Variants in KLHL17 observed in about 807,000 individuals in gnomAD.
The protein encoded by KLHL17 is kelch like family member 17.
In KLHL17, 71 loss-of-function variants were observed where a neutral mutation model predicts 64.6. The observed-to-expected ratio is 1.10, with a 90% CI of 0.91 to 1.34. The LOEUF is 1.34. Ranked by LOEUF, KLHL17 falls within the 40% of genes most tolerant of loss-of-function variation. The pLI, the probability that KLHL17 is intolerant of heterozygous loss-of-function variation, is 0.00. For missense variants in KLHL17, 1,140 were observed against 935.0 expected (o/e 1.22, Z -2.86); for synonymous variants, 612 against 405.4 (o/e 1.51, Z -6.12).
rs201014919 is a variant in KLHL17 at position 961,607 on chromosome 1, G to A, written c.368-22G>A. 20 of 1,612,752 alleles carry A rather than the reference G, an allele frequency of 1.2e-5. 1 individual carries two copies. The highest frequency in any genetic ancestry group is 1.7e-4 in the Middle Eastern group (1 of 6,060). On this transcript the variant is annotated intron_variant, in intron 2 of 11. Transcript: ENST00000338591. ...CTCCGTGGGTCCCTCGGGTCAGCTC[G>A]TGTAACCCGCTGTCCCCGCAGATGA... is the stretch of plus-strand genomic sequence containing the variant.
chr1:963,199 G>A lies in KLHL17; in HGVS notation c.1133G>A (p.Arg378His), dbSNP rs372872551. The A allele has an allele frequency of 1.6e-5, 25 of 1,608,112 alleles. No homozygotes were observed. Among genetic ancestry groups the A allele is most frequent in the Middle Eastern group, 1.6e-4 (1 of 6,072 alleles). Reference protein sequence around the residue: ...RWHVVASMSTRRARVGVAAVG... With the variant: ...RWHVVASMSTHRARVGVAAVG... ...CACGTGGTGGCCTCCATGTCCACGC[G>A]CCGGGCCCGGGTGGGAGTGGCTGCG... Residue 378 changes from arginine to histidine, a missense_variant, in exon 7 of 12, where the codon CGC (arginine) becomes CAC (histidine). Coordinates refer to ENST00000338591, the MANE Select transcript of KLHL17 (RefSeq NM_198317.3).
At position 964,927 on chromosome 1, in the gene KLHL17, TCCTGCAGCCAGGGGCTCACCCCGCCTTCC is replaced by T. The variant is rs773733647; in HGVS notation, c.1701-33_1701-5del. On this transcript the variant is annotated splice_polypyrimidine_tract_variant and splice_region_variant and intron_variant, in intron 11 of 11. Coordinates refer to ENST00000338591, the MANE Select transcript of KLHL17 (RefSeq NM_198317.3). ...GTGCAGCCCCTCCCCCCGCATCCCT[TCCTGCAGCCAGGGGCTCACCCCGCCTTCC>T]CCCCAGGAGCACGCATGACCTGGTG... 6.7e-7 allele frequency: 1 copy of T among 1,488,794 alleles called. No individual in the cohort carries two copies. Among genetic ancestry groups the T allele is most frequent in the Non-Finnish European group, 9.2e-7 (1 of 1,087,510 alleles). The allele number at this position is 1,488,794 out of a possible 1,614,324, so 92.2% of individuals were successfully genotyped here. A position where few individuals can be genotyped will look rare whatever the true frequency, so the allele number is the denominator to read the frequency against.
chr1:963,048 C>T (rs1642731969), intron 6 of KLHL17, 61 bp from the exon 7 acceptor site: 1 of 1,587,484 alleles, frequency 6.3e-7, no homozygotes, highest in Non-Finnish European at 8.6e-7. Context: ...CTCCAGGAGC[C>T]TGGGGTGTGG....
rs1642596781 is a variant in KLHL17 at position 960,692 on chromosome 1, GA to G, written c.1del. On this transcript the variant is annotated 5_prime_UTR_variant, in exon 1 of 12. Transcript: ENST00000338591. ...CGAATCGGCGGTGGGTCCGGCAGCC[GA>G]ATGCAGCCCCGCAGCGAGCGCCCGG... 8.0e-6 allele frequency: 11 copies of G among 1,374,704 alleles called. No homozygotes were observed. Among genetic ancestry groups the G allele is most frequent in the Non-Finnish European group, 1.0e-5 (11 of 1,057,830 alleles). 85.2% of individuals were successfully genotyped at this position (1,374,704 alleles called of 1,614,324 possible). A position where few individuals can be genotyped will look rare whatever the true frequency, so the allele number is the denominator to read the frequency against.
Position 961,419 on chromosome 1 carries a change from C to A in KLHL17, c.234C>A (p.Ala78=), listed in dbSNP as rs762448686. The A allele has an allele frequency of 1.2e-6, 2 of 1,611,720 alleles. No individual in the cohort carries two copies. The highest frequency in any genetic ancestry group is 1.7e-6 in the Non-Finnish European group (2 of 1,179,642). Residue 78 remains alanine, a synonymous_variant, in exon 2 of 12, where the codon GCC becomes GCA. Transcript: ENST00000338591. ...ACTCCAAGCGGCACTACCACGATGC[C>A]TTCGTGGCCATGAGCCGCATGCGCC... ...AHNSKRHYHD[A]FVAMSRMRQR...
chr1:963,986 C>A lies in KLHL17; in HGVS notation c.1422C>A (p.Arg474=). The A allele has an allele frequency of 6.2e-7, 1 of 1,612,670 alleles. No individual in the cohort carries two copies. Among genetic ancestry groups the A allele is most frequent in the South Asian group, 1.1e-5 (1 of 91,078 alleles). Residue 474 remains arginine (R), a synonymous_variant, in exon 9 of 12, where the codon CGC becomes CGA. Coordinates refer to ENST00000338591, the MANE Select transcript of KLHL17 (RefSeq NM_198317.3). ...TSVAAMSTRR[R]YVRVATLDGN... ...TCGCTGCCATGAGCACCCGGAGGCG[C>A]TATGTGCGAGTGGCCACGCTTGGTG...
chr1:964,229 C>T (rs1293781000), intron 10 of KLHL17, 49 bp downstream of exon 10: 2 of 1,601,744 alleles, frequency 1.2e-6, no homozygotes, highest in East Asian at 2.2e-5. Context: ...GCCGCGGGGC[C>T]CTCCTCCCTC....
At position 964,529 on chromosome 1, in the gene KLHL17, A is replaced by C. The variant is rs768159011; in HGVS notation, c.1699A>C (p.Arg567=). ...WESVAPMNIR[R]STHDLVAMDG... ...AAGCGTGGCGCCCATGAATATCCGC[A>C]GGTCCGCAGTGGGGCTGCGGGGAGG... Residue 567 remains arginine (R), a splice_region_variant and synonymous_variant, in exon 11 of 12, where the codon AGG becomes CGG. Transcript: ENST00000338591. 7 of 1,478,914 alleles carry C rather than the reference A, an allele frequency of 4.7e-6. No homozygotes were observed. Among genetic ancestry groups the C allele is most frequent in the Non-Finnish European group, 5.4e-6 (6 of 1,110,698 alleles). The allele number at this position is 1,478,914 out of a possible 1,614,324, so 91.6% of individuals were successfully genotyped here. A position where few individuals can be genotyped will look rare whatever the true frequency, so the allele number is the denominator to read the frequency against.
In KLHL17 at chr1:961,826, A is replaced by C; in HGVS notation, c.490A>C (p.Thr164Pro). 1.1e-5 allele frequency: 18 copies of C among 1,609,330 alleles called. No individual in the cohort carries two copies. Among genetic ancestry groups the C allele is most frequent in the Non-Finnish European group, 1.5e-5 (18 of 1,179,578 alleles). Residue 164 changes from threonine (T) to proline (P), a missense_variant and splice_region_variant, in exon 4 of 12, where the codon ACT becomes CCT. Coordinates refer to ENST00000338591, the MANE Select transcript of KLHL17 (RefSeq NM_198317.3). The part of the protein sequence containing the change: ...EIVVGEGNVQ[T>P]LLPAASLLQL... ...TCACCTGCCTCTCGGTGCCCCGTAG[A>C]CTCTGCTCCCAGCCGCCAGTCTCCT...
rs202040248 is a variant in KLHL17 at position 963,903 on chromosome 1, G to A, written c.1356-17G>A. On this transcript the variant is annotated splice_polypyrimidine_tract_variant and intron_variant, in intron 8 of 11. Coordinates refer to ENST00000338591, the MANE Select transcript of KLHL17 (RefSeq NM_198317.3). The stretch of plus-strand genomic sequence containing the variant: ...TCTGTCTCTGCTGAGCTGTGGCTGC[G>A]GTCCTGGTGCCCACAGTGCTGAACG... 2.4e-5 allele frequency: 38 copies of A among 1,611,456 alleles called. No individual in the cohort carries two copies. Among genetic ancestry groups the A allele is most frequent in the Non-Finnish European group, 2.9e-5 (34 of 1,179,388 alleles).
Position 961,417 on chromosome 1 carries a change from G to A in KLHL17, c.232G>A (p.Ala78Thr). The change falls in exon 2 of 12, where the codon GCC becomes ACC. Residue 78 changes from alanine to threonine, a missense_variant. By Grantham distance (58) the Ala-to-Thr change is moderately conservative. Coordinates refer to ENST00000338591, the MANE Select transcript of KLHL17 (RefSeq NM_198317.3). ...CAACTCCAAGCGGCACTACCACGAT[G>A]CCTTCGTGGCCATGAGCCGCATGCG... ...AHNSKRHYHD[A>T]FVAMSRMRQR... 3.7e-6 allele frequency: 6 copies of A among 1,611,626 alleles called. No individual in the cohort carries two copies. The highest frequency in any genetic ancestry group is 4.2e-6 in the Non-Finnish European group (5 of 1,179,602).
At position 963,218 on chromosome 1, in the gene KLHL17, G is replaced by A; in HGVS notation, c.1152G>A (p.Val384=). 1 of 1,607,432 alleles carries A rather than the reference G, an allele frequency of 6.2e-7. No homozygotes were observed. ...CCACGCGCCGGGCCCGGGTGGGAGT[G>A]GCTGCGGTGGGGAACCGGCTCTATG... ...SMSTRRARVG[V]AAVGNRLYAV... is the part of the protein sequence containing the mutation. The change falls in exon 7 of 12, where the codon GTG becomes GTA. Residue 384 remains valine, a synonymous_variant. Coordinates refer to ENST00000338591, the MANE Select transcript of KLHL17 (RefSeq NM_198317.3).
rs369390543 is a variant in KLHL17 at position 963,383 on chromosome 1, G to C, written c.1234G>C (p.Val412Leu). The C allele has an allele frequency of 1.2e-6, 2 of 1,612,514 alleles. No homozygotes were observed. The highest frequency in any genetic ancestry group is 1.1e-5 in the South Asian group (1 of 91,048). Residue 412 changes from valine (V) to leucine (L), a missense_variant, in exon 8 of 12, where the codon GTG becomes CTG. By Grantham distance (32) the Val-to-Leu change is conservative (BLOSUM62 1). Coordinates refer to ENST00000338591, the MANE Select transcript of KLHL17 (RefSeq NM_198317.3). ...GGCTACCGTGGAGTCCTACGACCCC[G>C]TGACTAACACGTGGCAGCCGGAGGT... Reference protein sequence around the residue: ...DLATVESYDPVTNTWQPEVSM... With the variant: ...DLATVESYDPLTNTWQPEVSM...
At position 962,796 on chromosome 1, in the gene KLHL17, C is replaced by T; in HGVS notation, c.921C>T (p.Cys307=). The T allele has an allele frequency of 1.2e-6, 2 of 1,610,728 alleles. No individual in the cohort carries two copies. Among genetic ancestry groups the T allele is most frequent in the Non-Finnish European group, 1.7e-6 (2 of 1,179,626 alleles). The change falls in exon 6 of 12, where the codon TGC becomes TGT. Residue 307 remains cysteine (C), a synonymous_variant. Coordinates refer to ENST00000338591, the MANE Select transcript of KLHL17 (RefSeq NM_198317.3). ...GCCTGGTGAGGCACCACCCTGACTG[C>T]AAGGACCTCCTCATCGAGGCCCTGA... ...AESLVRHHPD[C]KDLLIEALKF... is the part of the protein sequence containing the mutation.
In KLHL17 at chr1:964,882, C is replaced by T. The variant is rs1401116798; in HGVS notation, c.1701-81C>T. 3.1e-5 allele frequency: 34 copies of T among 1,114,652 alleles called. 4 individuals are homozygous for T. The highest frequency in any genetic ancestry group is 4.5e-5 in the African/African-American group (3 of 66,584). The allele number at this position is 1,114,652 out of a possible 1,614,324, so 69.0% of individuals were successfully genotyped here. On this transcript the variant is annotated intron_variant, in intron 11 of 11. Transcript: ENST00000338591. ...TCTCCCAACCTCAGCGAGCATGTCC[C>T]GCCACCACCCCTTTTTGTGGTGCAG...
rs138271663 is a variant in KLHL17 at position 962,435 on chromosome 1, A to G, written c.792A>G (p.Lys264=). Residue 264 remains lysine, a synonymous_variant, in exon 5 of 12, where the codon AAA becomes AAG. Coordinates refer to ENST00000338591, the MANE Select transcript of KLHL17 (RefSeq NM_198317.3). ...ACCGAGCCGTCCTGAGCTGGGTGAA[A>G]CACGACGTGGACGCCCGCAGGCAGC... The part of the protein sequence containing the change: ...EVYRAVLSWV[K]HDVDARRQHV... The G allele has an allele frequency of 3.0e-5, 48 of 1,612,534 alleles. No individual in the cohort carries two copies. The highest frequency in any genetic ancestry group is 4.0e-5 in the Non-Finnish European group (47 of 1,179,914).
At position 963,367 on chromosome 1, in the gene KLHL17, G is replaced by A. The variant is rs752239466; in HGVS notation, c.1218G>A (p.Val406=). The part of the protein sequence containing the change: ...GYDGTSDLAT[V]ESYDPVTNTW... ...ATGGGACCTCAGACCTGGCTACCGT[G>A]GAGTCCTACGACCCCGTGACTAACA... The change falls in exon 8 of 12, where the codon GTG becomes GTA. Residue 406 remains valine (V), a synonymous_variant. Transcript: ENST00000338591. 6.2e-7 allele frequency: 1 copy of A among 1,612,064 alleles called. No individual in the cohort carries two copies. Among genetic ancestry groups the A allele is most frequent in the Admixed American group, 1.7e-5 (1 of 59,968 alleles).
intron 4 of KLHL17, 82 bp downstream of exon 4, chr1:962,129 C>T (rs572314057): frequency 1.8e-5 from 20 of 1,136,684 alleles, no homozygotes; most frequent in South Asian, 1.2e-4. Context: ...CCGTTTTGTT[C>T]CTGACACAGC....
chr1:963,064 C>T (rs1165495684), intron 6 of KLHL17, 45 bp from the exon 7 acceptor site: 1 of 1,599,910 alleles, frequency 6.3e-7, no homozygotes, highest in Non-Finnish European at 8.5e-7. Context: ...TGTGGCCCAG[C>T]AGTGGGATCC....
Sources: allele counts gnomAD v4.1 joint callset, GRCh38; gene constraint gnomAD v4.1.1; transcripts MANE v1.5; gene names NCBI Gene and HGNC (gene_info 2026-07-23, HGNC 2026-07-21).